The following CERS6 variants were observed in gnomAD, a reference collection of about 807,000 sequenced individuals.
CERS6 encodes LAG1 homolog, ceramide synthase 6.
A neutral mutation model predicts 56.8 loss-of-function variants in CERS6; 26 were observed. The ratio of observed to expected loss-of-function variants is 0.46; its 90% confidence interval spans 0.34 to 0.63. CERS6 has a LOEUF of 0.63. Among genes scored for constraint, CERS6 ranks in the 30% least tolerant of loss-of-function variants. The pLI is 0.01. For synonymous variants in CERS6, 164 were observed against 173.3 expected (o/e 0.95, Z 0.42); for missense variants, 415 against 467.5 (o/e 0.89, Z 1.04).
At chr2:168,693,675 C>T (rs1224096547) in intron 5 of CERS6, among the ~76,000 whole-genome samples, 1 of 152,112 alleles carries the variant, frequency 6.6e-6, no homozygotes, top group African/African-American at 2.4e-5. Context: ...CAAGAGAATA[C>T]CCTAAGAGCT....
intron 1 of CERS6, among the ~76,000 whole-genome samples, chr2:168,468,448 A>G (rs1469663151): frequency 1.3e-5 from 2 of 152,184 alleles, no homozygotes; most frequent in African/African-American, 4.8e-5. Context: ...CTTGCTAGCT[A>G]CTGGTCTAGG....
intron 1 of CERS6, among the ~76,000 whole-genome samples, chr2:168,495,938 C>T (rs1232034037): frequency 2.0e-5 from 3 of 152,220 alleles, no homozygotes; most frequent in Non-Finnish European, 4.4e-5. Context: ...CCCTGTCTCC[C>T]AACTACCCAG....
intron 4 of CERS6, among the ~76,000 whole-genome samples, chr2:168,636,118 A>T (rs1257501706): frequency 3.3e-5 from 5 of 152,160 alleles, no homozygotes; most frequent in Admixed American, 1.3e-4. Flanking sequence ...CCCATGAAAT[A>T]CTTCTATAAG....
At chr2:168,759,110 A>T (rs934578348) in intron 8 of CERS6, among the ~76,000 whole-genome samples, 1 of 152,188 alleles carries the variant, frequency 6.6e-6, no homozygotes, top group African/African-American at 2.4e-5. Flanking sequence ...GATTCATTAA[A>T]ATCACCCACC....
At chr2:168,477,183 G>C (rs1009751227) in intron 1 of CERS6, among the ~76,000 whole-genome samples, 2 of 122,428 alleles carry the variant, frequency 1.6e-5, no homozygotes, top group Admixed American at 8.7e-5. Flanking sequence ...CAGAGAGAGA[G>C]AGAGAGAGAG....
At chr2:168,736,157 T>G (rs1216258585) in intron 8 of CERS6, among the ~76,000 whole-genome samples, 1 of 152,230 alleles carries the variant, frequency 6.6e-6, no homozygotes, top group Non-Finnish European at 1.5e-5. Context: ...TTGTTACCAT[T>G]ACTGTAAGTA....
intron 4 of CERS6, among the ~76,000 whole-genome samples, chr2:168,634,664 C>T (rs536555164): frequency 2.6e-5 from 4 of 152,272 alleles, no homozygotes; most frequent in South Asian, 2.1e-4. Flanking sequence ...CTGCCTGCCT[C>T]GGCCTCCCAA....
At chr2:168,548,207 G>A (rs1389254204) in intron 2 of CERS6, among the ~76,000 whole-genome samples, 5 of 152,190 alleles carry the variant, frequency 3.3e-5, no homozygotes. Context: ...TTATGAAGAA[G>A]GAGGGTCAGG....
At chr2:168,656,627 A>T (rs561202071) in intron 4 of CERS6, among the ~76,000 whole-genome samples, 16 of 152,144 alleles carry the variant, frequency 1.1e-4, no homozygotes, top group African/African-American at 3.9e-4. Context: ...GAAGCTGCAG[A>T]TCTTCGCGGT....
At chr2:168,671,818 T>C (rs998748553) in intron 4 of CERS6, among the ~76,000 whole-genome samples, 2 of 152,202 alleles carry the variant, frequency 1.3e-5, no homozygotes, top group African/African-American at 2.4e-5. Context: ...ATTTATTGAA[T>C]AGGTGACTAG....
chr2:168,760,315 T>C (rs1278273201), intron 8 of CERS6, among the ~76,000 whole-genome samples: 1 of 152,114 alleles, frequency 6.6e-6, no homozygotes, highest in African/African-American at 2.4e-5. Context: ...ACAAGAAGCA[T>C]CCAGCACGGG....
intron 8 of CERS6, among the ~76,000 whole-genome samples, chr2:168,721,107 C>A (rs910678543): frequency 2.0e-5 from 3 of 152,172 alleles, no homozygotes; most frequent in African/African-American, 7.2e-5. Context: ...GCCAGTCACT[C>A]CTCATTCTTC....
intron 4 of CERS6, among the ~76,000 whole-genome samples, chr2:168,650,891 T>C (rs541683354): frequency 1.8e-4 from 27 of 152,350 alleles, no homozygotes; most frequent in Admixed American, 7.2e-4. Context: ...TTATCAGCAT[T>C]ACTCTTCTTG....
intron 1 of CERS6, among the ~76,000 whole-genome samples, chr2:168,480,413 A>G (rs574742463): frequency 6.6e-6 from 1 of 152,336 alleles, no homozygotes; most frequent in African/African-American, 2.4e-5. Context: ...GAATATAATA[A>G]TAAAATTTCA....
At chr2:168,765,812 T>C in intron 9 of CERS6, 64 bp downstream of exon 9, 1 of 1,437,560 alleles carries the variant, frequency 7.0e-7, no homozygotes, top group East Asian at 2.3e-5. Context: ...TTTCTCTGGA[T>C]CAACTATTTA....
intron 4 of CERS6, among the ~76,000 whole-genome samples, chr2:168,673,185 T>A (rs1397063784): frequency 6.6e-6 from 1 of 152,210 alleles, no homozygotes; most frequent in South Asian, 2.1e-4. Flanking sequence ...AAAATTTTAT[T>A]TTTTAATACC....
chr2:168,620,073 A>G (rs1314611232), intron 3 of CERS6, among the ~76,000 whole-genome samples: 2 of 150,066 alleles, frequency 1.3e-5, no homozygotes, highest in East Asian at 2.0e-4. Context: ...ATATTTATAT[A>G]TATATGATCT....
chr2:168,481,346 G>A (rs759347472), intron 1 of CERS6, among the ~76,000 whole-genome samples: 20 of 152,132 alleles, frequency 1.3e-4, no homozygotes, highest in Non-Finnish European at 2.4e-4. Context: ...ACCTGGAGGC[G>A]GAGCTTGCAG....
chr2:168,676,598 ACT>A lies in CERS6; in HGVS notation c.466-14433_466-14432del, dbSNP rs144048155. On this transcript the variant is annotated intron_variant, in intron 4 of 9. Coordinates refer to ENST00000305747, the MANE Select transcript of CERS6 (RefSeq NM_203463.3). ...TCATTTGATTTTCTTGAAGTGAAAG[ACT>A]CTGTCCATTTTTGAGAAAATGTCTA... 5.7e-3 allele frequency among the ~76,000 whole-genome samples: 862 copies of A among 152,262 alleles called. 13 individuals are homozygous for A. The highest frequency in any genetic ancestry group is 0.02 in the African/African-American group (810 of 41,538).
Sources: allele counts gnomAD v4.1 joint callset (sites outside exome capture counted in the v4.1 genomes callset), GRCh38; gene constraint gnomAD v4.1.1; transcripts MANE v1.5; gene names NCBI Gene and HGNC (gene_info 2026-07-23, HGNC 2026-07-21).